BOD1L1: variants seen among roughly 807,000 people sequenced by gnomAD.
BOD1L1 encodes the protein biorientation of chromosomes in cell division protein 1-like 1.
Under a neutral mutation model 240.7 loss-of-function variants are expected in BOD1L1, and 86 were observed. The observed-to-expected ratio is 0.36, with a 90% CI of 0.30 to 0.43. The LOEUF (loss-of-function observed/expected upper bound fraction) is 0.43, where lower values mean the gene tolerates loss of function less well. Among genes scored for constraint, BOD1L1 ranks in the 20% least tolerant of loss-of-function variants. The pLI is 1.00. For missense variants in BOD1L1, 3,554 were observed against 3,643.5 expected, an observed-to-expected ratio of 0.98 and a Z score of 0.63; for synonymous variants, 1,268 against 1,272.3, an observed-to-expected ratio of 1.00 and a Z score of 0.07.
rs769512613 is a variant in BOD1L1 at position 13,570,021 on chromosome 4, G to C, written c.9146C>G (p.Ala3049Gly). The C allele has an allele frequency of 6.2e-6, 10 of 1,600,920 alleles. No individual in the cohort carries two copies. In the Admixed American group the frequency reaches 1.7e-4, roughly 28 times the overall value. Residue 3049 changes from alanine (A) to glycine (G), a missense_variant, in exon 26 of 26, where the codon GCG becomes GGG. Physicochemically the swap from Ala to Gly is moderately conservative, Grantham distance 60. This residue lies in a region of BOD1L1 where 3,393 missense variants were observed against 3,427.1 expected (regional missense o/e 0.99). Coordinates refer to ENST00000040738, the MANE Select transcript of BOD1L1 (RefSeq NM_148894.3). Reference protein sequence around the residue: ...QRVEEAPVKKAKR With the variant: ...QRVEEAPVKKGKR ...CAGCAGTGGTCAGGATTATCGCTTCGCTTTTTTCACAGGGGCTTCCTCCAC... is the reference window on the plus strand; with the variant it reads ...CAGCAGTGGTCAGGATTATCGCTTCCCTTTTTTCACAGGGGCTTCCTCCAC...
chr4:13,622,326 C>G (rs1717098993), intron 1 of BOD1L1, among the ~76,000 whole-genome samples: 1 of 152,174 alleles, frequency 6.6e-6, no homozygotes. Context: ...AACTACTCAA[C>G]AGGTAATTTT....
intron 2 of BOD1L1, among the ~76,000 whole-genome samples, chr4:13,616,990 T>TA (rs1276060572): frequency 6.6e-6 from 1 of 152,204 alleles, no homozygotes; most frequent in Non-Finnish European, 1.5e-5. Context: ...CTCACGCCTG[T>TA]AATCCCAGCA....
rs557769407 is a variant in BOD1L1 at position 13,606,709 on chromosome 4, A to G, written c.1815+408T>C. ...TAACATGAAATGAGTAAAATGTTAA[A>G]AACAGTTTGCCAGATTACTTGTACT... On this transcript the variant is annotated intron_variant, in intron 9 of 25. Transcript: ENST00000040738. 1.4e-4 allele frequency among the ~76,000 whole-genome samples: 22 copies of G among 152,330 alleles called. No homozygotes were observed. In the South Asian group the frequency reaches 4.6e-3, roughly 32 times the overall value.
chr4:13,597,271 C>G, intron 10 of BOD1L1, 103 bp from the exon 11 acceptor site: 1 of 792,750 alleles, frequency 1.3e-6, no homozygotes, highest in Non-Finnish European at 2.1e-6. Context: ...GCTGTTGCAC[C>G]TTCCTTTTCT....
intron 7 of BOD1L1, 81 bp from the exon 8 acceptor site, chr4:13,608,749 C>A: frequency 2.4e-6 from 3 of 1,234,426 alleles, no homozygotes; most frequent in South Asian, 2.2e-5. Flanking sequence ...TAAGATTTTT[C>A]TAATCATTGT....
At chr4:13,583,804 G>C (rs950130385) in intron 17 of BOD1L1, among the ~76,000 whole-genome samples, 1 of 152,148 alleles carries the variant, frequency 6.6e-6, no homozygotes, top group Non-Finnish European at 1.5e-5. Flanking sequence ...ACCAGTGTCG[G>C]TATTGGGAGG....
In BOD1L1 at chr4:13,604,874, C is replaced by T. The variant is rs1226728187; in HGVS notation, c.2026G>A (p.Val676Ile). The T allele has an allele frequency of 6.2e-7, 1 of 1,612,262 alleles. No homozygotes were observed. Among genetic ancestry groups the T allele is most frequent in the Admixed American group, 1.7e-5 (1 of 59,696 alleles). ...TCTGAGCGTTCTACTTGCCTTTTTA[C>T]ATCTCTTGTGTCAGTCTCTTCCTGT... ...GVQEETDTRD[V>I]KRQVERSEIC... is the part of the protein sequence containing the mutation. Residue 676 changes from valine (V) to isoleucine (I), a missense_variant, in exon 10 of 26, where the codon GTA becomes ATA. Val to Ile is a conservative substitution (Grantham distance 29, BLOSUM62 3). Transcript: ENST00000040738.
At chr4:13,607,052 C>A in intron 9 of BOD1L1, 65 bp downstream of exon 9, 1 of 1,087,458 alleles carries the variant, frequency 9.2e-7, no homozygotes, top group East Asian at 3.2e-5. Flanking sequence ...AAGTTTTACT[C>A]CAAAGGAATA....
rs1713697408 is a variant in BOD1L1, at chr4:13,586,445, A to T, written c.8384T>A (p.Ile2795Lys). The T allele has an allele frequency of 6.2e-7, 1 of 1,611,788 alleles. No individual in the cohort carries two copies. Residue 2795 changes from isoleucine to lysine, a missense_variant, in exon 17 of 26, where the codon ATA becomes AAA. Transcript: ENST00000040738. ...AGGACACTGCCTTTGTGCTGTTTCT[A>T]TTCTGGAATCCAGGACATCTGGATT... ...DDNPDVLDSR[I>K]ETAQRQCPET...
intron 21 of BOD1L1, among the ~76,000 whole-genome samples, chr4:13,580,718 A>G (rs969453272): frequency 1.3e-5 from 2 of 152,248 alleles, no homozygotes; most frequent in East Asian, 1.9e-4. Context: ...AGAAGCCACT[A>G]TCTCAAAATC....
At chr4:13,606,863 G>T (rs1341317955) in intron 9 of BOD1L1, among the ~76,000 whole-genome samples, 9 of 152,000 alleles carry the variant, frequency 5.9e-5, no homozygotes, top group Non-Finnish European at 1.3e-4. Context: ...TGGCATTTTT[G>T]TTATTGCAAT....
Position 13,601,251 on chromosome 4 carries a change from A to G in BOD1L1, c.5649T>C (p.Ala1883=). The change falls in exon 10 of 26, where the codon GCT becomes GCC. Residue 1883 remains alanine, a synonymous_variant. Transcript: ENST00000040738. ...STGRGNEIGH[A]STCTGLGEES... ...CTTCTCCTAACCCTGTACAAGTTGAAGCATGCCCAATTTCATTTCCTCTTC... is the reference window on the plus strand; with the variant it reads ...CTTCTCCTAACCCTGTACAAGTTGAGGCATGCCCAATTTCATTTCCTCTTC... The G allele has an allele frequency of 6.2e-7, 1 of 1,613,910 alleles. No individual in the cohort carries two copies. The highest frequency in any genetic ancestry group is 8.5e-7 in the Non-Finnish European group (1 of 1,179,874).
chr4:13,572,723 C>T (rs1365530293), intron 25 of BOD1L1: 1 of 1,289,816 alleles, frequency 7.8e-7, no homozygotes, highest in Non-Finnish European at 1.0e-6. Context: ...GGGAGAGTTA[C>T]TAACTTTTTC....
rs1375295762 is a variant in BOD1L1, at chr4:13,614,490, T to A, written c.880A>T (p.Thr294Ser). ...PCPVEEIKNYTKEHNNLILLN... is the reference protein window; with the variant it reads ...PCPVEEIKNYSKEHNNLILLN... ...AGAATTAAATTATTATGCTCTTTTG[T>A]GTAATTTTTAATTTCTTCGACTGGA... The change falls in exon 4 of 26, where the codon ACA becomes TCA. Residue 294 changes from threonine (T) to serine (S), a missense_variant. Around this residue, in one of 2 missense-constraint regions of BOD1L1, gnomAD observed 3,393 missense variants for 3,427.1 expected, o/e 0.99. Transcript: ENST00000040738. The A allele has an allele frequency of 6.2e-7, 1 of 1,613,778 alleles. No homozygotes were observed. Among genetic ancestry groups the A allele is most frequent in the Non-Finnish European group, 8.5e-7 (1 of 1,179,864 alleles).
At chr4:13,572,871 A>G (rs1230793191) in intron 25 of BOD1L1, 3 of 1,288,432 alleles carry the variant, frequency 2.3e-6, no homozygotes, top group Admixed American at 2.3e-5. Flanking sequence ...ACACTGGGCA[A>G]TGGTAGCACT....
At chr4:13,598,350 GAACA>G (rs767936209) in intron 10 of BOD1L1, among the ~76,000 whole-genome samples, 13 of 152,242 alleles carry the variant, frequency 8.5e-5, no homozygotes, top group South Asian at 2.1e-4. Flanking sequence ...CTAACAGACT[GAACA>G]AACAAATACT....
rs778728073 is a variant in BOD1L1, at chr4:13,604,940, G to A, written c.1960C>T (p.His654Tyr). ...NKNESKLERE[H>Y]KRRTSTPVIM... Reference sequence around the variant, plus strand: ...ACAGGGGTAGATGTCCGTCTTTTATGTTCTCTTTCTAATTTGGATTCATTT... The same window carrying A: ...ACAGGGGTAGATGTCCGTCTTTTATATTCTCTTTCTAATTTGGATTCATTT... Residue 654 changes from histidine to tyrosine, a missense_variant, in exon 10 of 26, where the codon CAT (histidine) becomes TAT (tyrosine). Coordinates refer to ENST00000040738, the MANE Select transcript of BOD1L1 (RefSeq NM_148894.3). 1 of 1,613,600 alleles carries A rather than the reference G, an allele frequency of 6.2e-7. No homozygotes were observed. The highest frequency in any genetic ancestry group is 1.1e-5 in the South Asian group (1 of 91,060).
At chr4:13,580,098 A>C (rs76949035) in intron 21 of BOD1L1, 125 bp from the exon 22 acceptor site, 1 of 643,432 alleles carries the variant, frequency 1.6e-6, no homozygotes, top group Non-Finnish European at 2.6e-6. Context: ...TTTGAGACCT[A>C]TTTTCTGTAA....
At chr4:13,576,618 A>C (rs770273226) in intron 25 of BOD1L1, among the ~76,000 whole-genome samples, 2 of 151,972 alleles carry the variant, frequency 1.3e-5, no homozygotes, top group Non-Finnish European at 2.9e-5. Flanking sequence ...TAGGCATTTA[A>C]AACCTGGTAA....
Sources: gnomAD v4.1 joint callset for allele counts (sites outside exome capture counted in the v4.1 genomes callset) on GRCh38, gnomAD v4.1.1 for gene constraint, gnomAD v4.1.1 regional missense constraint, MANE v1.5 for transcripts, NCBI Gene and HGNC (gene_info 2026-07-23, HGNC 2026-07-21) for gene names.